The following C6orf163 variants were observed in gnomAD, a reference collection of about 807,000 sequenced individuals.
The protein encoded by C6orf163 is chromosome 6 open reading frame 163.
A neutral mutation model predicts 28.4 loss-of-function variants in C6orf163; 22 were observed. The observed-to-expected ratio is 0.78, with a 90% CI of 0.55 to 1.11. The LOEUF is 1.11. Among genes scored for constraint, C6orf163 ranks in the 50% least tolerant of loss-of-function variants. C6orf163 has a pLI of 0.00. For synonymous variants in C6orf163, 110 were observed against 123.6 expected, an observed-to-expected ratio of 0.89 and a Z score of 0.73; for missense variants, 342 against 389.1, an observed-to-expected ratio of 0.88 and a Z score of 1.02.
intron 4 of C6orf163, among the ~76,000 whole-genome samples, chr6:87,361,204 G>A (rs1424454905): frequency 1.3e-5 from 2 of 152,044 alleles, no homozygotes; most frequent in Non-Finnish European, 2.9e-5. Flanking sequence ...AGGATTGCTT[G>A]AGCCCAGGAG....
intron 4 of C6orf163, among the ~76,000 whole-genome samples, chr6:87,359,485 C>A (rs563639759): frequency 6.6e-6 from 1 of 152,136 alleles, no homozygotes; most frequent in Admixed American, 6.5e-5. Context: ...TTCCCCATGT[C>A]CCAGGTGGAA....
In C6orf163 at chr6:87,345,209, C is replaced by G; in HGVS notation, c.110C>G (p.Pro37Arg). 6.5e-7 allele frequency: 1 copy of G among 1,535,450 alleles called. No homozygotes were observed. Among genetic ancestry groups the G allele is most frequent in the Non-Finnish European group, 8.7e-7 (1 of 1,146,446 alleles). ...KTFKRIHEYKPLKTRFYTHKD... is the reference protein window; with the variant it reads ...KTFKRIHEYKRLKTRFYTHKD... ...TTCAAACGGATCCATGAATACAAGC[C>G]ACTTAAGACACGCTTTTACACTCAC... Residue 37 changes from proline (P) to arginine (R), a missense_variant, in exon 1 of 5, where the codon CCA becomes CGA. Physicochemically the swap from Pro to Arg is moderately radical, Grantham distance 103. Transcript: ENST00000388923.
At chr6:87,346,704 A>G (rs1777329107) in intron 1 of C6orf163, among the ~76,000 whole-genome samples, 1 of 152,266 alleles carries the variant, frequency 6.6e-6, no homozygotes. Context: ...AAAAATATTA[A>G]TACAGATATC....
chr6:87,354,097 C>T (rs747976744), intron 3 of C6orf163, among the ~76,000 whole-genome samples: 10 of 152,080 alleles, frequency 6.6e-5, no homozygotes, highest in Non-Finnish European at 1.3e-4. Flanking sequence ...GGCCTCCAAT[C>T]GTCTGCCCTC....
intron 4 of C6orf163, among the ~76,000 whole-genome samples, chr6:87,364,109 T>G (rs1777614497): frequency 6.6e-6 from 1 of 151,724 alleles, no homozygotes; most frequent in Non-Finnish European, 1.5e-5. Context: ...CATGGTAAAA[T>G]CCCATCTCTA....
rs1188551127 is a variant in C6orf163 at position 87,364,810 on chromosome 6, G to A, written c.555-151G>A. On this transcript the variant is annotated intron_variant, in intron 4 of 4. Coordinates refer to ENST00000388923, the MANE Select transcript of C6orf163 (RefSeq NM_001010868.3). ...TGAAAATGTGTTTTGTTTGATAACA[G>A]CTAATGCAATCCAAAAGCTCATCCG... The A allele has an allele frequency of 6.4e-6, 4 of 627,992 alleles. 1 individual carries two copies. Among genetic ancestry groups the A allele is most frequent in the African/African-American group, 1.8e-5 (1 of 54,312 alleles). 38.9% of individuals were successfully genotyped at this position (627,992 alleles called of 1,614,324 possible).
chr6:87,360,248 T>A (rs1777561909), intron 4 of C6orf163, among the ~76,000 whole-genome samples: 1 of 149,784 alleles, frequency 6.7e-6, no homozygotes, highest in South Asian at 2.1e-4. Context: ...TTCTTTCTCA[T>A]ATGATAAGCT....
chr6:87,348,935 T>A (rs1562228849), intron 2 of C6orf163, 29 bp downstream of exon 2: 7 of 1,535,424 alleles, frequency 4.6e-6, no homozygotes, highest in Non-Finnish European at 6.1e-6. Flanking sequence ...CAACCTAAAG[T>A]CCATCTTTAC....
At chr6:87,359,750 C>T (rs1346523841) in intron 4 of C6orf163, among the ~76,000 whole-genome samples, 1 of 152,156 alleles carries the variant, frequency 6.6e-6, no homozygotes, top group African/African-American at 2.4e-5. Context: ...AAATATCAGA[C>T]TGAATCCTAT....
intron 4 of C6orf163, among the ~76,000 whole-genome samples, chr6:87,361,875 C>T (rs1446236650): frequency 6.6e-6 from 1 of 152,146 alleles, no homozygotes; most frequent in Non-Finnish European, 1.5e-5. Context: ...CCAACCCTCT[C>T]TTTTGTCATT....
intron 4 of C6orf163, among the ~76,000 whole-genome samples, chr6:87,359,901 G>A (rs1777557400): frequency 6.6e-6 from 1 of 152,200 alleles, no homozygotes; most frequent in Non-Finnish European, 1.5e-5. Flanking sequence ...ACTGCTCACA[G>A]AAAGCATAGA....
rs1218755748 is a variant in C6orf163 at position 87,348,806 on chromosome 6, A to G, written c.149-6A>G. 2 of 1,537,172 alleles carry G rather than the reference A, an allele frequency of 1.3e-6. No individual in the cohort carries two copies. The highest frequency in any genetic ancestry group is 8.7e-7 in the Non-Finnish European group (1 of 1,146,844). On this transcript the variant is annotated splice_region_variant and splice_polypyrimidine_tract_variant and intron_variant, in intron 1 of 4. Transcript: ENST00000388923. ...GGTTTGTGACCATTGCTCTTCAAAT[A>G]CACAGATATTGGGGCAAATATTCTG...
At position 87,347,362 on chromosome 6, in the gene C6orf163, T is replaced by G. The variant is rs533320798; in HGVS notation, c.149-1450T>G. 28 of 980,390 alleles carry G rather than the reference T, an allele frequency of 2.9e-5. 1 individual carries two copies. In the South Asian group the frequency reaches 1.0e-3, roughly 36 times the overall value. The allele number at this position is 980,390 out of a possible 1,614,324, so 60.7% of individuals were successfully genotyped here. A position where few individuals can be genotyped will look rare whatever the true frequency, so the allele number is the denominator to read the frequency against. ...AGGGATCCTGTTGTACAATCAGGGT[T>G]GAGAACAACTAATAAAACCAATGGG... On this transcript the variant is annotated intron_variant, in intron 1 of 4. Transcript: ENST00000388923.
rs888448130 is a variant in C6orf163, at chr6:87,344,919, C to T, written c.-181C>T. The T allele has an allele frequency of 2.1e-5, 11 of 517,056 alleles. No individual in the cohort carries two copies. Among genetic ancestry groups the T allele is most frequent in the South Asian group, 1.1e-4 (4 of 35,234 alleles). The allele number at this position is 517,056 out of a possible 1,614,324, so 32.0% of individuals were successfully genotyped here. On this transcript the variant is annotated 5_prime_UTR_variant, in exon 1 of 5. The change creates a new upstream start codon in the 5' untranslated region. Coordinates refer to ENST00000388923, the MANE Select transcript of C6orf163 (RefSeq NM_001010868.3). Reference sequence around the variant, plus strand: ...AGGGGCTTTTAGCACCATTCTTTAACGTTAGACACATAACCACAGCCTAAT... The same window carrying T: ...AGGGGCTTTTAGCACCATTCTTTAATGTTAGACACATAACCACAGCCTAAT...
intron 3 of C6orf163, 102 bp from the exon 4 acceptor site, chr6:87,356,199 C>A: frequency 1.1e-6 from 1 of 939,344 alleles, no homozygotes. Context: ...AACAGGTACA[C>A]TTGCTAGCAG....
chr6:87,356,332 A>G lies in C6orf163; in HGVS notation c.383A>G (p.Tyr128Cys), dbSNP rs1188079978. ...EVTAKTKTEM[Y>C]QNMDDEMKRE... The stretch of plus-strand genomic sequence containing the variant: ...ACAGCTAAAACTAAGACAGAGATGT[A>G]TCAAAACATGGATGACGAAATGAAG... The change falls in exon 4 of 5, where the codon TAT becomes TGT. Residue 128 changes from tyrosine (Y) to cysteine (C), a missense_variant. Coordinates refer to ENST00000388923, the MANE Select transcript of C6orf163 (RefSeq NM_001010868.3). 4.5e-6 allele frequency: 7 copies of G among 1,551,652 alleles called. No individual in the cohort carries two copies. The South Asian group carries it at 7.1e-5, about 16-fold the overall frequency.
intron 1 of C6orf163, among the ~76,000 whole-genome samples, 161 bp downstream of exon 1, chr6:87,345,408 C>A (rs147163509): frequency 6.6e-6 from 1 of 152,142 alleles, no homozygotes; most frequent in Non-Finnish European, 1.5e-5. Context: ...TCTCCACTTA[C>A]AGTTGTATGT....
At chr6:87,348,141 C>G (rs1678908035) in intron 1 of C6orf163, 2 of 947,204 alleles carry the variant, frequency 2.1e-6, no homozygotes, top group Non-Finnish European at 1.3e-6. Context: ...GGCTACAAAG[C>G]AAGACTCCCT....
chr6:87,351,313 A>G (rs1777409263), intron 3 of C6orf163, among the ~76,000 whole-genome samples: 1 of 152,242 alleles, frequency 6.6e-6, no homozygotes, highest in Non-Finnish European at 1.5e-5. Flanking sequence ...GTCCGGACCC[A>G]GGTTTGGTCT....
Sources: allele counts gnomAD v4.1 joint callset (sites outside exome capture counted in the v4.1 genomes callset), GRCh38; gene constraint gnomAD v4.1.1; transcripts MANE v1.5; gene names NCBI Gene and HGNC (gene_info 2026-07-23, HGNC 2026-07-21).